Variants in PRCC observed in about 807,000 individuals in gnomAD.
PRCC encodes the protein proline rich mitotic checkpoint control factor, also known as proline-rich protein PRCC.
Under a neutral mutation model 44.0 loss-of-function variants are expected in PRCC, and 10 were observed. The ratio of observed to expected loss-of-function variants is 0.23; its 90% confidence interval spans 0.14 to 0.39. PRCC has a LOEUF of 0.39. Ranked by LOEUF, PRCC falls within the 10% of genes least tolerant of loss-of-function variation. The pLI is 1.00. For missense variants in PRCC, 573 were observed against 624.7 expected, an observed-to-expected ratio of 0.92 and a Z score of 0.88; for synonymous variants, 278 against 259.5, an observed-to-expected ratio of 1.07 and a Z score of -0.69.
chr1:156,800,395 C>T lies in PRCC; in HGVS notation c.1411C>T (p.Leu471=), dbSNP rs748735433. 9 of 1,614,064 alleles carry T rather than the reference C, an allele frequency of 5.6e-6. No homozygotes were observed. Among genetic ancestry groups the T allele is most frequent in the South Asian group, 4.4e-5 (4 of 91,092 alleles). The change falls in exon 7 of 7, where the codon CTG becomes TTG. Residue 471 remains leucine, a synonymous_variant. Transcript: ENST00000271526. ...ACAGGCCAAGGAGCGGGAGCTGGAACTGAAGAACACCTGGTCAGAGAACAA... is the reference window on the plus strand; with the variant it reads ...ACAGGCCAAGGAGCGGGAGCTGGAATTGAAGAACACCTGGTCAGAGAACAA... ...IHQAKERELE[L]KNTWSENKLS...
At chr1:156,783,831 G>A (rs1270902808) in intron 2 of PRCC, among the ~76,000 whole-genome samples, 1 of 151,970 alleles carries the variant, frequency 6.6e-6, no homozygotes, top group African/African-American at 2.4e-5. Context: ...TGATTCAAGT[G>A]GCCTTCTCCT....
chr1:156,797,063 CAGGCA>C (rs1652682645), intron 5 of PRCC: 1 of 539,978 alleles, frequency 1.9e-6, no homozygotes, highest in Non-Finnish European at 3.3e-6. Flanking sequence ...CAGGCTATTT[CAGGCA>C]AGTGTTCTGA....
intron 5 of PRCC, among the ~76,000 whole-genome samples, chr1:156,795,579 C>T (rs1206913341): frequency 6.6e-6 from 1 of 152,182 alleles, no homozygotes; most frequent in Non-Finnish European, 1.5e-5. Context: ...AGCCACTATA[C>T]CCGGCCCCGG....
chr1:156,778,323 A>G, intron 1 of PRCC, among the ~76,000 whole-genome samples: 1 of 152,266 alleles, frequency 6.6e-6, no homozygotes, highest in East Asian at 1.9e-4. Context: ...TCTTAGCATA[A>G]CGTTCTCCAG....
chr1:156,779,173 G>T (rs1338513198), intron 1 of PRCC, among the ~76,000 whole-genome samples: 3 of 92,894 alleles, frequency 3.2e-5, no homozygotes, highest in African/African-American at 1.3e-4. Context: ...TTTTTCTCCT[G>T]AGATAGGGTC....
chr1:156,786,603 A>G lies in PRCC; in HGVS notation c.517-5A>G, dbSNP rs1290340111. 6.2e-7 allele frequency: 1 copy of G among 1,605,456 alleles called. No individual in the cohort carries two copies. Among genetic ancestry groups the G allele is most frequent in the African/African-American group, 1.3e-5 (1 of 74,720 alleles). ...TTCCTCCTATCCCACACCTGGGCTCACCAGGGATCCAGTGAGGGGACTGGT... is the reference window on the plus strand; with the variant it reads ...TTCCTCCTATCCCACACCTGGGCTCGCCAGGGATCCAGTGAGGGGACTGGT... On this transcript the variant is annotated splice_region_variant and splice_polypyrimidine_tract_variant and intron_variant, in intron 2 of 6. Coordinates refer to ENST00000271526, the MANE Select transcript of PRCC (RefSeq NM_005973.5).
At position 156,800,539 on chromosome 1, in the gene PRCC, C is replaced by G. The variant is rs552476322; in HGVS notation, c.*79C>G. On this transcript the variant is annotated 3_prime_UTR_variant, in exon 7 of 7. Coordinates refer to ENST00000271526, the MANE Select transcript of PRCC (RefSeq NM_005973.5). The stretch of plus-strand genomic sequence containing the variant: ...CCCAGCTTCACCTCTGGGACCCCAG[C>G]TGCTCTAAGCCCAGGATCTCTTTCC... 2.8e-6 allele frequency: 4 copies of G among 1,411,526 alleles called. No individual in the cohort carries two copies. In the African/African-American group the frequency reaches 5.7e-5, roughly 20 times the overall value. 87.4% of individuals were successfully genotyped at this position (1,411,526 alleles called of 1,614,324 possible).
In PRCC at chr1:156,783,963, G is replaced by T. The variant is rs189888511; in HGVS notation, c.516+1634G>T. 6.0e-3 allele frequency among the ~76,000 whole-genome samples: 900 copies of T among 150,224 alleles called. 10 individuals carry two copies. The highest frequency in any genetic ancestry group is 0.02 in the African/African-American group (840 of 41,010). On this transcript the variant is annotated intron_variant, in intron 2 of 6. Transcript: ENST00000271526. The stretch of plus-strand genomic sequence containing the variant: ...ATTTATTTAATTTTTTTTTTTTTGG[G>T]GGGGACGGAGTCTCGCTCTACCGCC...
At chr1:156,798,684 G>A (rs1303545114) in intron 6 of PRCC, among the ~76,000 whole-genome samples, 4 of 151,930 alleles carry the variant, frequency 2.6e-5, no homozygotes, top group Non-Finnish European at 4.4e-5. Flanking sequence ...GTGAAACCCT[G>A]TCTCTACTAA....
intron 2 of PRCC, among the ~76,000 whole-genome samples, chr1:156,785,482 C>T (rs1283354927): frequency 6.6e-6 from 1 of 151,360 alleles, no homozygotes; most frequent in East Asian, 2.0e-4. Context: ...CACTGCACTC[C>T]ATCCTGGGTG....
chr1:156,800,633 A>G lies in PRCC; in HGVS notation c.*173A>G. ...TAGATTTTTCTTAACAAGTTAGAAA[A>G]TTCAGCTCCTTTCTGTCCTGGAGCT... On this transcript the variant is annotated 3_prime_UTR_variant, in exon 7 of 7. Transcript: ENST00000271526. 1 of 640,110 alleles carries G rather than the reference A, an allele frequency of 1.6e-6. No homozygotes were observed. The highest frequency in any genetic ancestry group is 2.7e-6 in the Non-Finnish European group (1 of 371,448). 39.7% of individuals were successfully genotyped at this position (640,110 alleles called of 1,614,324 possible).
At chr1:156,799,883 C>G (rs1418245983) in intron 6 of PRCC, among the ~76,000 whole-genome samples, 1 of 152,060 alleles carries the variant, frequency 6.6e-6, no homozygotes, top group Non-Finnish European at 1.5e-5. Context: ...TTCTAAGGTA[C>G]CACACACTGT....
chr1:156,789,475 A>T (rs1357150453), intron 3 of PRCC, among the ~76,000 whole-genome samples: 1 of 152,180 alleles, frequency 6.6e-6, no homozygotes, highest in African/African-American at 2.4e-5. Context: ...GGATAAGGGA[A>T]TCTATGGCAT....
intron 1 of PRCC, among the ~76,000 whole-genome samples, chr1:156,770,554 G>C (rs1007795099): frequency 1.3e-5 from 2 of 152,082 alleles, no homozygotes; most frequent in Non-Finnish European, 2.9e-5. Context: ...TTGTATTTTT[G>C]GTAGAGACTG....
In PRCC at chr1:156,800,605, T is replaced by C; in HGVS notation, c.*145T>C. 1.3e-6 allele frequency: 1 copy of C among 745,790 alleles called. No homozygotes were observed. The highest frequency in any genetic ancestry group is 2.2e-6 in the Non-Finnish European group (1 of 453,582). The allele number at this position is 745,790 out of a possible 1,614,324, so 46.2% of individuals were successfully genotyped here. A position where few individuals can be genotyped will look rare whatever the true frequency, so the allele number is the denominator to read the frequency against. On this transcript the variant is annotated 3_prime_UTR_variant, in exon 7 of 7. Transcript: ENST00000271526. ...TCGCCTCTGCGAGAATGAACATATTTGATAGATTTTTCTTAACAAGTTAGA... is the reference window on the plus strand; with the variant it reads ...TCGCCTCTGCGAGAATGAACATATTCGATAGATTTTTCTTAACAAGTTAGA...
rs140474683 is a variant in PRCC, at chr1:156,779,630, AAGT to A, written c.469-2651_469-2649del. 5.9e-3 allele frequency among the ~76,000 whole-genome samples: 901 copies of A among 152,232 alleles called. 8 individuals carry two copies. The highest frequency in any genetic ancestry group is 0.02 in the African/African-American group (842 of 41,516). ...GTGACCTGTCTTCCTTGGCCTCCCAAAGTGCTGGAATGACAGGTGTAAGCCACC... is the reference window on the plus strand; with the variant it reads ...GTGACCTGTCTTCCTTGGCCTCCCAAGCTGGAATGACAGGTGTAAGCCACC... On this transcript the variant is annotated intron_variant, in intron 1 of 6. Coordinates refer to ENST00000271526, the MANE Select transcript of PRCC (RefSeq NM_005973.5).
At chr1:156,795,103 C>G (rs1433555363) in intron 5 of PRCC, among the ~76,000 whole-genome samples, 2 of 152,104 alleles carry the variant, frequency 1.3e-5, no homozygotes, top group Non-Finnish European at 2.9e-5. Flanking sequence ...TGCACAGAAT[C>G]CACAGCTGCT....
chr1:156,781,353 T>G (rs1008322870), intron 1 of PRCC, among the ~76,000 whole-genome samples: 2 of 152,236 alleles, frequency 1.3e-5, no homozygotes, highest in Non-Finnish European at 2.9e-5. Flanking sequence ...GCAGAGGATT[T>G]GAGTTCTCAC....
intron 1 of PRCC, among the ~76,000 whole-genome samples, chr1:156,774,899 C>T (rs1472820436): frequency 1.3e-5 from 2 of 148,214 alleles, no homozygotes; most frequent in African/African-American, 2.5e-5. Context: ...TGCAGTGAGC[C>T]AAGATCGTGC....
Sources: gnomAD v4.1 joint callset for allele counts (sites outside exome capture counted in the v4.1 genomes callset) on GRCh38, gnomAD v4.1.1 for gene constraint, MANE v1.5 for transcripts, NCBI Gene and HGNC (gene_info 2026-07-23, HGNC 2026-07-21) for gene names.